The following DCC variants were observed in gnomAD, a reference collection of about 807,000 sequenced individuals.
DCC encodes DCC netrin 1 receptor, also known as netrin receptor DCC.
In DCC, 58 loss-of-function variants were observed where a neutral mutation model predicts 172.5. The ratio of observed to expected loss-of-function variants is 0.34; its 90% CI spans 0.27 to 0.42. The LOEUF is 0.42. Among genes scored for constraint, DCC ranks in the 10% least tolerant of loss-of-function variants. DCC has a pLI of 1.00. For synonymous variants in DCC, 709 were observed against 644.5 expected, an observed-to-expected ratio of 1.10 and a Z score of -1.52; for missense variants, 1,740 against 1,791.0, an observed-to-expected ratio of 0.97 and a Z score of 0.51.
intron 8 of DCC, among the ~76,000 whole-genome samples, chr18:53,158,316 A>G (rs2054779953): frequency 6.6e-6 from 1 of 152,176 alleles, no homozygotes; most frequent in Non-Finnish European, 1.5e-5. Flanking sequence ...CAAGATTACA[A>G]TCCATTGCAT....
At chr18:53,129,487 C>T (rs1258285597) in intron 7 of DCC, among the ~76,000 whole-genome samples, 1 of 151,870 alleles carries the variant, frequency 6.6e-6, no homozygotes, top group African/African-American at 2.4e-5. Flanking sequence ...TTATTATTCC[C>T]CTCTCCCTCA....
At chr18:53,079,982 T>C (rs1472134678) in intron 7 of DCC, among the ~76,000 whole-genome samples, 1 of 152,136 alleles carries the variant, frequency 6.6e-6, no homozygotes, top group Admixed American at 6.6e-5. Context: ...TAGGGATGGC[T>C]AAATGTAAAA....
intron 1 of DCC, among the ~76,000 whole-genome samples, chr18:52,572,675 C>G (rs770151833): frequency 5.3e-5 from 8 of 152,144 alleles, no homozygotes; most frequent in Non-Finnish European, 1.0e-4. Context: ...ACCTCCCATT[C>G]TTGACGTGGG....
chr18:52,340,466 A>T lies in DCC; in HGVS notation c.-322A>T, dbSNP rs915231617. 18 of 445,316 alleles carry T rather than the reference A, an allele frequency of 4.0e-5. No homozygotes were observed. The highest frequency in any genetic ancestry group is 2.1e-4 in the Admixed American group (6 of 29,240). 27.6% of individuals were successfully genotyped at this position (445,316 alleles called of 1,614,324 possible). A position where few individuals can be genotyped will look rare whatever the true frequency, so the allele number is the denominator to read the frequency against. Reference sequence around the variant, plus strand: ...TTGATGACTTGCGAGCCCCTCAGAGAGCTGTCTTCCCTCCTCTGGCTCCCT... The same window carrying T: ...TTGATGACTTGCGAGCCCCTCAGAGTGCTGTCTTCCCTCCTCTGGCTCCCT... On this transcript the variant is annotated 5_prime_UTR_variant, in exon 1 of 29. Coordinates refer to ENST00000442544, the MANE Select transcript of DCC (RefSeq NM_005215.4).
intron 2 of DCC, among the ~76,000 whole-genome samples, chr18:52,841,803 C>T (rs1287195694): frequency 6.6e-6 from 1 of 152,034 alleles, no homozygotes; most frequent in African/African-American, 2.4e-5. Flanking sequence ...TTGCCATTCC[C>T]CCCTCCTCCC....
In DCC at chr18:52,871,725, C is replaced by T. The variant is rs186905387; in HGVS notation, c.413-34319C>T. ...CTACCTTGACCTCCCAAAGTGGTGA[C>T]CCTCTTTGTGACAAAACAACACAGA... On this transcript the variant is annotated intron_variant, in intron 2 of 28. Coordinates refer to ENST00000442544, the MANE Select transcript of DCC (RefSeq NM_005215.4). 6.6e-5 allele frequency among the ~76,000 whole-genome samples: 10 copies of T among 152,166 alleles called. No individual in the cohort carries two copies. The East Asian group carries it at 1.9e-3, about 29-fold the overall frequency.
intron 13 of DCC, among the ~76,000 whole-genome samples, chr18:53,308,287 C>A (rs1166424087): frequency 1.3e-5 from 2 of 151,424 alleles, no homozygotes; most frequent in Non-Finnish European, 2.9e-5. Flanking sequence ...GCAAATACCC[C>A]AGTTTTAAGT....
At chr18:52,439,310 G>A (rs1242377046) in intron 1 of DCC, among the ~76,000 whole-genome samples, 1 of 151,610 alleles carries the variant, frequency 6.6e-6, no homozygotes, top group Admixed American at 6.6e-5. Flanking sequence ...GAAAACTTAA[G>A]TTTAAGTGAA....
At chr18:53,142,816 C>T (rs1419877242) in intron 7 of DCC, among the ~76,000 whole-genome samples, 1 of 152,148 alleles carries the variant, frequency 6.6e-6, no homozygotes, top group Non-Finnish European at 1.5e-5. Context: ...ATTTTTCTGT[C>T]TCAGAATCCA....
chr18:53,125,441 C>A (rs2043541835), intron 7 of DCC, among the ~76,000 whole-genome samples: 1 of 152,026 alleles, frequency 6.6e-6, no homozygotes, highest in Admixed American at 6.6e-5. Flanking sequence ...AAAGTTCTTG[C>A]ATGGTGCTCT....
Position 53,179,092 on chromosome 18 carries a change from A to G in DCC, c.1549A>G (p.Ile517Val), listed in dbSNP as rs1306181734. 4 of 1,613,974 alleles carry G rather than the reference A, an allele frequency of 2.5e-6. No individual in the cohort carries two copies. In the South Asian group the frequency reaches 3.3e-5, roughly 13 times the overall value. Residue 517 changes from isoleucine (I) to valine (V), a missense_variant, in exon 9 of 29, where the codon ATC becomes GTC. Ile to Val is a conservative substitution (Grantham distance 29). Coordinates refer to ENST00000442544, the MANE Select transcript of DCC (RefSeq NM_005215.4). ...GGGACCGGGAGAGAGTTCTCAACCC[A>G]TCAAGGTGGCCACACAGCCTGAGTG... ...EWGPGESSQP[I>V]KVATQPELQV...
intron 2 of DCC, among the ~76,000 whole-genome samples, chr18:52,812,825 C>T (rs929746329): frequency 4.6e-5 from 7 of 152,170 alleles, no homozygotes; most frequent in African/African-American, 1.7e-4. Flanking sequence ...TTAGCAACTA[C>T]TGAACACTGT....
intron 5 of DCC, among the ~76,000 whole-genome samples, chr18:52,929,576 C>T (rs1161286868): frequency 2.0e-5 from 3 of 151,952 alleles, no homozygotes; most frequent in Non-Finnish European, 2.9e-5. Flanking sequence ...TGCCATACTT[C>T]GAATCTGTAG....
intron 1 of DCC, among the ~76,000 whole-genome samples, chr18:52,488,247 T>G (rs527315306): frequency 4.6e-5 from 7 of 152,276 alleles, no homozygotes; most frequent in Middle Eastern, 6.8e-3. Flanking sequence ...GCTCCAATAG[T>G]CTTTAATTGT....
chr18:53,322,330 C>T (rs2057420956), intron 14 of DCC, among the ~76,000 whole-genome samples, 173 bp downstream of exon 14: 2 of 152,238 alleles, frequency 1.3e-5, no homozygotes, highest in East Asian at 3.9e-4. Context: ...TCAACAATGC[C>T]ATGTAAATAA....
At chr18:53,284,051 A>G (rs1228176261) in intron 12 of DCC, among the ~76,000 whole-genome samples, 1 of 152,156 alleles carries the variant, frequency 6.6e-6, no homozygotes, top group Non-Finnish European at 1.5e-5. Flanking sequence ...ATTTTTCAAG[A>G]CCTTTCATAA....
intron 7 of DCC, among the ~76,000 whole-genome samples, chr18:53,101,456 T>G (rs1007470222): frequency 3.3e-5 from 5 of 151,938 alleles, no homozygotes; most frequent in African/African-American, 1.2e-4. Flanking sequence ...TTAACAGCGG[T>G]GCTAACCCAA....
chr18:53,186,369 G>A lies in DCC; in HGVS notation c.1573+7253G>A, dbSNP rs111569671. 1.7e-3 allele frequency among the ~76,000 whole-genome samples: 255 copies of A among 152,288 alleles called. 2 individuals are homozygous for A. The highest frequency in any genetic ancestry group is 6.0e-3 in the African/African-American group (250 of 41,558). On this transcript the variant is annotated intron_variant, in intron 9 of 28. Transcript: ENST00000442544. ...AGTTTGGTTATATGCCCTACTAAAC[G>A]TGAAAGCGGTTGGTTTGCTAAGCTG...
chr18:52,436,622 A>G (rs963895949), intron 1 of DCC, among the ~76,000 whole-genome samples: 1 of 152,190 alleles, frequency 6.6e-6, no homozygotes, highest in Non-Finnish European at 1.5e-5. Context: ...AAATTCTCAG[A>G]ACTGGCTGGG....
Sources: gnomAD v4.1 joint callset for allele counts (sites outside exome capture counted in the v4.1 genomes callset) on GRCh38, gnomAD v4.1.1 for gene constraint, MANE v1.5 for transcripts, NCBI Gene and HGNC (gene_info 2026-07-23, HGNC 2026-07-21) for gene names.